Variants in THSD7A observed in about 807,000 individuals in gnomAD.
The protein encoded by THSD7A is thrombospondin type-1 domain-containing protein 7A.
Under a neutral mutation model 231.3 loss-of-function variants are expected in THSD7A, and 96 were observed. The observed-to-expected ratio is 0.41, with a 90% CI of 0.35 to 0.49. THSD7A has a LOEUF of 0.49. Ranked by LOEUF, THSD7A falls within the 20% of genes least tolerant of loss-of-function variation. The probability of loss-of-function intolerance (pLI) is 0.05; values close to 1 mark genes in which losing one functional copy is unlikely to be tolerated. For missense variants in THSD7A, 2,290 were observed against 2,070.2 expected, an observed-to-expected ratio of 1.11 and a Z score of -2.06; for synonymous variants, 940 against 743.3, an observed-to-expected ratio of 1.26 and a Z score of -4.30.
chr7:11,638,920 C>A (rs575254994), intron 1 of THSD7A, among the ~76,000 whole-genome samples: 1 of 152,204 alleles, frequency 6.6e-6, no homozygotes, highest in African/African-American at 2.4e-5. Context: ...ACTTTGGGAA[C>A]CACAGAACCT....
intron 1 of THSD7A, among the ~76,000 whole-genome samples, chr7:11,824,444 G>T (rs578006475): frequency 1.3e-5 from 2 of 151,990 alleles, no homozygotes; most frequent in Non-Finnish European, 2.9e-5. Flanking sequence ...CCACCATCAG[G>T]CCTGTCCTCT....
intron 4 of THSD7A, among the ~76,000 whole-genome samples, chr7:11,566,861 T>C (rs888689460): frequency 4.6e-5 from 7 of 151,734 alleles, no homozygotes; most frequent in African/African-American, 1.7e-4. Flanking sequence ...ATCTCAAATC[T>C]TGCTAGGAAA....
intron 6 of THSD7A, among the ~76,000 whole-genome samples, chr7:11,497,763 C>T (rs1390875031): frequency 6.6e-6 from 1 of 152,070 alleles, no homozygotes; most frequent in African/African-American, 2.4e-5. Context: ...CTGAAACTTC[C>T]AGGTACTTGC....
At chr7:11,664,632 A>G (rs1328468350) in intron 1 of THSD7A, among the ~76,000 whole-genome samples, 2 of 151,980 alleles carry the variant, frequency 1.3e-5, no homozygotes, top group East Asian at 3.9e-4. Context: ...AGCTTTGCAC[A>G]TAGGAACATA....
intron 1 of THSD7A, among the ~76,000 whole-genome samples, chr7:11,680,335 G>A (rs1783821571): frequency 6.6e-6 from 1 of 152,054 alleles, no homozygotes; most frequent in African/African-American, 2.4e-5. Flanking sequence ...GGCAACAAAA[G>A]CCAAAATTGA....
chr7:11,477,197 G>C (rs1786226105), intron 7 of THSD7A, among the ~76,000 whole-genome samples: 1 of 152,130 alleles, frequency 6.6e-6, no homozygotes, highest in Non-Finnish European at 1.5e-5. Flanking sequence ...CACTTTGTTA[G>C]TCTCCTTAAA....
intron 1 of THSD7A, among the ~76,000 whole-genome samples, chr7:11,806,491 G>A (rs1414843380): frequency 6.6e-6 from 1 of 152,054 alleles, no homozygotes; most frequent in Non-Finnish European, 1.5e-5. Context: ...AAGTGGTTGT[G>A]GGGATACAAT....
At chr7:11,407,767 A>C (rs1280340595) in intron 19 of THSD7A, among the ~76,000 whole-genome samples, 1 of 152,212 alleles carries the variant, frequency 6.6e-6, no homozygotes, top group Non-Finnish European at 1.5e-5. Context: ...ACTTTCCATT[A>C]GGTAAAAACT....
intron 6 of THSD7A, among the ~76,000 whole-genome samples, chr7:11,508,837 G>A (rs1201722968): frequency 6.6e-6 from 1 of 152,180 alleles, no homozygotes; most frequent in Non-Finnish European, 1.5e-5. Context: ...AAATAAGCCA[G>A]TCACAGCAAT....
At chr7:11,397,661 AC>A (rs1392705165) in intron 23 of THSD7A, among the ~76,000 whole-genome samples, 4 of 152,248 alleles carry the variant, frequency 2.6e-5, no homozygotes, top group Non-Finnish European at 5.9e-5. Flanking sequence ...TATCCATCTG[AC>A]AAGAGGCTAA....
intron 1 of THSD7A, among the ~76,000 whole-genome samples, chr7:11,768,586 C>T (rs148798816): frequency 7.0e-4 from 106 of 152,186 alleles, no homozygotes; most frequent in African/African-American, 2.5e-3. Flanking sequence ...TGATCTCCAA[C>T]TCTAGTCCAT....
intron 4 of THSD7A, among the ~76,000 whole-genome samples, chr7:11,570,872 T>C (rs1275592644): frequency 6.6e-6 from 1 of 152,186 alleles, no homozygotes; most frequent in African/African-American, 2.4e-5. Context: ...AAAAGAACTC[T>C]TGAGAGGATA....
chr7:11,404,609 T>TTG (rs559938263), intron 22 of THSD7A, among the ~76,000 whole-genome samples: 68 of 152,296 alleles, frequency 4.5e-4, no homozygotes, highest in African/African-American at 1.4e-3. Flanking sequence ...TTTTATTGAA[T>TTG]TGTGTGTGAG....
At chr7:11,543,252 A>G (rs1423415564) in intron 4 of THSD7A, 135 bp from the exon 5 acceptor site, 1 of 670,172 alleles carries the variant, frequency 1.5e-6, no homozygotes, top group East Asian at 2.8e-5. Flanking sequence ...AATGCTTCTC[A>G]GCCACATCCT....
chr7:11,534,039 TCA>T (rs1216597613), intron 6 of THSD7A, among the ~76,000 whole-genome samples: 2 of 152,170 alleles, frequency 1.3e-5, no homozygotes, highest in Non-Finnish European at 2.9e-5. Context: ...TTCTTTTCAT[TCA>T]CAGACCTCTG....
intron 4 of THSD7A, among the ~76,000 whole-genome samples, chr7:11,555,999 G>A (rs569416931): frequency 6.6e-6 from 1 of 151,748 alleles, no homozygotes; most frequent in East Asian, 1.9e-4. Context: ...TGTAGAATGT[G>A]AATAGTTGGG....
chr7:11,767,291 T>C (rs1056350507), intron 1 of THSD7A, among the ~76,000 whole-genome samples: 2 of 152,208 alleles, frequency 1.3e-5, no homozygotes, highest in Non-Finnish European at 2.9e-5. Flanking sequence ...CCAGTCATTA[T>C]GATGACCTAC....
chr7:11,577,218 G>A (rs764195), intron 4 of THSD7A, among the ~76,000 whole-genome samples: 27,566 of 152,112 alleles, frequency 0.18, 2,611 homozygotes, highest in East Asian at 0.24. Context: ...GTACTTCTGG[G>A]ATTCTTAATG....
chr7:11,640,369 T>C (rs1351150388), intron 1 of THSD7A, among the ~76,000 whole-genome samples: 1 of 152,196 alleles, frequency 6.6e-6, no homozygotes, highest in Non-Finnish European at 1.5e-5. Flanking sequence ...CAAAATGTGC[T>C]TTTCCTTTAA....
Sources: allele counts gnomAD v4.1 joint callset (sites outside exome capture counted in the v4.1 genomes callset), GRCh38; gene constraint gnomAD v4.1.1; transcripts MANE v1.5; gene names NCBI Gene and HGNC (gene_info 2026-07-23, HGNC 2026-07-21).